ZNF536: variants seen among roughly 807,000 people sequenced by gnomAD.
ZNF536 encodes zinc finger protein 536.
A neutral mutation model predicts 84.5 loss-of-function variants in ZNF536; 13 were observed. That is an observed-to-expected ratio of 0.15 (90% CI 0.10 to 0.24). The LOEUF (loss-of-function observed/expected upper bound fraction) is 0.24. ZNF536 is among the 10% of genes least tolerant of loss of function. ZNF536 has a pLI of 1.00. For missense variants in ZNF536, 1,536 were observed against 1,747.5 expected (o/e 0.88, Z 2.16); for synonymous variants, 811 against 742.5 (o/e 1.09, Z -1.50).
In ZNF536 at chr19:30,458,438, T is replaced by C. The variant is rs2052960485; in HGVS notation, c.2170+12706T>C. Among the ~76,000 whole-genome samples the C allele has an allele frequency of 2.1e-5, 3 of 145,288 alleles. No individual in the cohort carries two copies. The Admixed American group carries it at 2.1e-4, about 10-fold the overall frequency. Reference sequence around the variant, plus strand: ...TCCTAGGGTCCAAGTATTTCCTCAATTTCCTGCTGTTTTTTTTTTTTTTTT... The same window carrying C: ...TCCTAGGGTCCAAGTATTTCCTCAACTTCCTGCTGTTTTTTTTTTTTTTTT... On this transcript the variant is annotated intron_variant, in intron 2 of 4. Coordinates refer to ENST00000355537, the MANE Select transcript of ZNF536 (RefSeq NM_014717.3).
Position 30,400,029 on chromosome 19 carries a change from G to A in ZNF536, c.-3+27473G>A, listed in dbSNP as rs148679426. ...AAAATTCAGCATAATGCCCTTGAGC[G>A]CCATCTATGTTTTGCATGTATTAAG... On this transcript the variant is annotated intron_variant, in intron 1 of 4. Transcript: ENST00000355537. 2.0e-5 allele frequency among the ~76,000 whole-genome samples: 3 copies of A among 152,172 alleles called. No homozygotes were observed. In the South Asian group the frequency reaches 6.2e-4, roughly 32 times the overall value.
At chr19:30,386,894 T>C (rs2049364977) in intron 1 of ZNF536, among the ~76,000 whole-genome samples, 1 of 152,260 alleles carries the variant, frequency 6.6e-6, no homozygotes, top group Admixed American at 6.5e-5. Context: ...GCAGTGCTTG[T>C]CTGCGGGTCG....
intron 1 of ZNF536, among the ~76,000 whole-genome samples, chr19:30,233,309 C>T (rs192397840): frequency 8.8e-4 from 133 of 150,776 alleles, no homozygotes; most frequent in African/African-American, 3.1e-3. Context: ...TGAGTTGAGG[C>T]TGGGCACTTT....
intron 2 of ZNF536, among the ~76,000 whole-genome samples, chr19:30,335,668 G>A (rs1218457265): frequency 6.6e-6 from 1 of 152,164 alleles, no homozygotes; most frequent in Non-Finnish European, 1.5e-5. Context: ...CAGCCAACCC[G>A]GGTGGAGAAG....
chr19:30,677,593 C>T (rs530701091), intron 1 of ZNF536, among the ~76,000 whole-genome samples: 161 of 152,360 alleles, frequency 1.1e-3, no homozygotes, highest in Non-Finnish European at 2.0e-3. Flanking sequence ...GAAAAGCTGG[C>T]GGCAGGCTGA....
intron 1 of ZNF536, among the ~76,000 whole-genome samples, chr19:30,604,983 C>T (rs2047817528): frequency 6.6e-6 from 1 of 152,146 alleles, no homozygotes; most frequent in African/African-American, 2.4e-5. Flanking sequence ...CACTACAAAG[C>T]AGATCACACT....
chr19:30,666,850 G>A (rs568412164), intron 1 of ZNF536, among the ~76,000 whole-genome samples: 2,868 of 132,180 alleles, frequency 0.022, 82 homozygotes, highest in African/African-American at 0.074. Context: ...ATATATATAT[G>A]TATGTATGTA....
intron 1 of ZNF536, among the ~76,000 whole-genome samples, chr19:30,601,303 G>C (rs971802400): frequency 3.9e-5 from 6 of 152,192 alleles, no homozygotes; most frequent in Admixed American, 3.9e-4. Context: ...TGGGACTCCA[G>C]CAGTGAACAT....
intron 1 of ZNF536, among the ~76,000 whole-genome samples, chr19:30,585,943 C>G (rs1427508695): frequency 1.3e-5 from 2 of 152,146 alleles, no homozygotes; most frequent in Non-Finnish European, 1.5e-5. Context: ...GGTGTTTGAG[C>G]TAATATTTTC....
rs966466691 is a variant in ZNF536, at chr19:30,363,681, A to G, written c.-3+11197A>G. Among the ~76,000 whole-genome samples, 3 of 152,220 alleles carry G rather than the reference A, an allele frequency of 2.0e-5. 1 individual carries two copies. Among genetic ancestry groups the G allele is most frequent in the Middle Eastern group, 3.4e-3 (1 of 294 alleles). On this transcript the variant is annotated intron_variant, in intron 3 of 5. Coordinates refer to the ZNF536 transcript ENST00000585628. ...TCAGTTAATAAAAGCAATAAGAATA[A>G]ATTGTTGACTGATAATAAAGGAGCT...
At chr19:30,686,675 G>A (rs1245362595) in intron 1 of ZNF536, among the ~76,000 whole-genome samples, 2 of 152,084 alleles carry the variant, frequency 1.3e-5, no homozygotes, top group African/African-American at 2.4e-5. Flanking sequence ...AGGTATCTGC[G>A]CGCGTCTTCA....
intron 1 of ZNF536, among the ~76,000 whole-genome samples, chr19:30,645,895 C>T (rs1348572634): frequency 2.0e-5 from 3 of 152,188 alleles, no homozygotes; most frequent in East Asian, 1.9e-4. Context: ...ATTCGTTTGG[C>T]GAACAACACG....
At chr19:30,449,712 G>A (rs947799810) in intron 2 of ZNF536, among the ~76,000 whole-genome samples, 2 of 152,140 alleles carry the variant, frequency 1.3e-5, no homozygotes, top group Non-Finnish European at 2.9e-5. Context: ...TGAAAATATC[G>A]TTAACCCCTA....
At chr19:30,293,397 A>C (rs746724765) in intron 2 of ZNF536, among the ~76,000 whole-genome samples, 19 of 152,192 alleles carry the variant, frequency 1.2e-4, no homozygotes, top group Non-Finnish European at 2.8e-4. Context: ...CATTATGGAA[A>C]TCACCCATCA....
At chr19:30,687,172 C>G (rs895917702) in intron 1 of ZNF536, among the ~76,000 whole-genome samples, 1 of 152,154 alleles carries the variant, frequency 6.6e-6, no homozygotes, top group Non-Finnish European at 1.5e-5. Context: ...ATGCCTGGGC[C>G]GGGGAACTTC....
intron 1 of ZNF536, among the ~76,000 whole-genome samples, chr19:30,231,610 C>G (rs895706860): frequency 6.6e-6 from 1 of 152,056 alleles, no homozygotes; most frequent in East Asian, 1.9e-4. Flanking sequence ...GGTACCTGCT[C>G]GGGAGTTGGA....
chr19:30,316,540 T>C (rs889430883), intron 2 of ZNF536, among the ~76,000 whole-genome samples: 1 of 152,188 alleles, frequency 6.6e-6, no homozygotes, highest in African/African-American at 2.4e-5. Flanking sequence ...GGGGGGCTGC[T>C]GTAGAGCAAG....
chr19:30,488,443 G>T (rs1445596313), intron 2 of ZNF536, among the ~76,000 whole-genome samples: 4 of 151,796 alleles, frequency 2.6e-5, no homozygotes, highest in African/African-American at 9.7e-5. Context: ...TGGAGTTGTG[G>T]TTTCTTTTTC....
chr19:30,645,056 C>T (rs139983093), intron 1 of ZNF536, among the ~76,000 whole-genome samples: 178 of 152,286 alleles, frequency 1.2e-3, no homozygotes, highest in African/African-American at 4.2e-3. Context: ...TAATGATGGT[C>T]GTTCTAACTG....
Sources: allele counts gnomAD v4.1 joint callset (sites outside exome capture counted in the v4.1 genomes callset), GRCh38; gene constraint gnomAD v4.1.1; transcripts MANE v1.5; gene names NCBI Gene and HGNC (gene_info 2026-07-23, HGNC 2026-07-21).